Variants in QSOX2 observed in about 807,000 individuals in gnomAD.
QSOX2 encodes the protein quiescin sulfhydryl oxidase 2.
In QSOX2, 46 loss-of-function variants were observed where a neutral mutation model predicts 61.7. That is an observed-to-expected ratio of 0.75 (90% CI 0.59 to 0.95). The LOEUF (loss-of-function observed/expected upper bound fraction) is 0.95, where lower values mean the gene tolerates loss of function less well. QSOX2 is among the 40% of genes least tolerant of loss of function. The probability of loss-of-function intolerance (pLI) is 0.00; values close to 1 mark genes in which losing one functional copy is unlikely to be tolerated. For synonymous variants in QSOX2, 383 were observed against 388.4 expected (o/e 0.99, Z 0.16); for missense variants, 879 against 918.9 (o/e 0.96, Z 0.56).
At chr9:136,225,539 C>T (rs1830272423) in intron 2 of QSOX2, among the ~76,000 whole-genome samples, 1 of 152,236 alleles carries the variant, frequency 6.6e-6, no homozygotes, top group South Asian at 2.1e-4. Context: ...GAAATGCAAA[C>T]GAAGCCGCCA....
At chr9:136,218,549 G>T in intron 8 of QSOX2, 130 bp downstream of exon 8, 1 of 1,137,756 alleles carries the variant, frequency 8.8e-7, no homozygotes, top group Non-Finnish European at 1.2e-6. Context: ...GCGTGGGCCT[G>T]GGCGACAAAG....
intron 1 of QSOX2, among the ~76,000 whole-genome samples, chr9:136,233,914 T>C (rs1830354344): frequency 6.6e-6 from 1 of 152,020 alleles, no homozygotes; most frequent in African/African-American, 2.4e-5. Context: ...CAGAAACCGT[T>C]TAGAGAAATA....
At chr9:136,232,360 G>A (rs1240434713) in intron 1 of QSOX2, among the ~76,000 whole-genome samples, 1 of 152,026 alleles carries the variant, frequency 6.6e-6, no homozygotes, top group African/African-American at 2.4e-5. Context: ...ACTTAAATAC[G>A]CACATTTTTT....
At position 136,223,949 on chromosome 9, in the gene QSOX2, CG is replaced by C. The variant is rs1310880122; in HGVS notation, c.584+57del. On this transcript the variant is annotated intron_variant, in intron 4 of 11. Coordinates refer to ENST00000358701, the MANE Select transcript of QSOX2 (RefSeq NM_181701.4). This position sits in a 1 kb window ranked among gnomAD's most constrained non-coding sequence, Gnocchi z 4.4. ...CACATCACTTAATAGAAACCTATTA[CG>C]TTTCTTGCACAGTTCAACACGAGTC... The C allele has an allele frequency of 1.2e-5, 19 of 1,557,606 alleles. No homozygotes were observed. In the African/African-American group the frequency reaches 2.4e-4, roughly 20 times the overall value.
chr9:136,235,021 C>T (rs1321014798), intron 1 of QSOX2, among the ~76,000 whole-genome samples: 1 of 152,198 alleles, frequency 6.6e-6, no homozygotes, highest in African/African-American at 2.4e-5. Context: ...TCAACTGGTT[C>T]CCCCGCCCAT....
intron 1 of QSOX2, among the ~76,000 whole-genome samples, chr9:136,233,445 C>T (rs1207836032): frequency 6.6e-6 from 1 of 152,224 alleles, no homozygotes; most frequent in Non-Finnish European, 1.5e-5. Context: ...ATTACACAGT[C>T]CTCTCAGGAC....
intron 1 of QSOX2, among the ~76,000 whole-genome samples, chr9:136,234,008 C>T (rs966337673): frequency 6.6e-6 from 1 of 152,210 alleles, no homozygotes; most frequent in African/African-American, 2.4e-5. Context: ...ACTGCCTCCA[C>T]CTCCTCTGCC....
chr9:136,245,451 G>C (rs782644950), intron 1 of QSOX2, 25 bp downstream of exon 1: 1 of 1,568,818 alleles, frequency 6.4e-7, no homozygotes, highest in Non-Finnish European at 8.6e-7. Flanking sequence ...GGGTCGGGGG[G>C]TCCCCGCGCG....
At position 136,208,640 on chromosome 9, in the gene QSOX2, C is replaced by A; in HGVS notation, c.*88G>T. The stretch of plus-strand genomic sequence containing the variant: ...AACCAGGCCCGCATGTTTATAAAAT[C>A]CCTGATCATAAATATTAAAGCTGCA... On this transcript the variant is annotated 3_prime_UTR_variant, in exon 12 of 12. Coordinates refer to ENST00000358701, the MANE Select transcript of QSOX2 (RefSeq NM_181701.4). 1.4e-6 allele frequency: 2 copies of A among 1,447,626 alleles called. No individual in the cohort carries two copies. Among genetic ancestry groups the A allele is most frequent in the Non-Finnish European group, 1.8e-6 (2 of 1,087,132 alleles). 89.7% of individuals were successfully genotyped at this position (1,447,626 alleles called of 1,614,324 possible). A position where few individuals can be genotyped will look rare whatever the true frequency, so the allele number is the denominator to read the frequency against.
chr9:136,208,563 A>T lies in QSOX2; in HGVS notation c.*165T>A. On this transcript the variant is annotated 3_prime_UTR_variant, in exon 12 of 12. Coordinates refer to ENST00000358701, the MANE Select transcript of QSOX2 (RefSeq NM_181701.4). ...TACCCCGTGTTCTTCCCTTGTTAGAAGAGCGTTTGTAAAACCAGGACTTTG... is the reference window on the plus strand; with the variant it reads ...TACCCCGTGTTCTTCCCTTGTTAGATGAGCGTTTGTAAAACCAGGACTTTG... The T allele has an allele frequency of 1.4e-6, 1 of 727,158 alleles. No individual in the cohort carries two copies. Among genetic ancestry groups the T allele is most frequent in the Non-Finnish European group, 2.1e-6 (1 of 468,200 alleles). 45.0% of individuals were successfully genotyped at this position (727,158 alleles called of 1,614,324 possible).
chr9:136,222,172 T>A lies in QSOX2; in HGVS notation c.676-231A>T, dbSNP rs887971174. ...CTTATTCGGCAATTTTACAAACTCA[T>A]CAAAGAAAACACTTATCCGCGAATT... On this transcript the variant is annotated intron_variant, in intron 5 of 11. Transcript: ENST00000358701. The surrounding 1 kb of genome is among the most constrained non-coding windows in gnomAD (Gnocchi z 6.9). Among the ~76,000 whole-genome samples the A allele has an allele frequency of 2.0e-5, 3 of 152,150 alleles. No individual in the cohort carries two copies. The South Asian group carries it at 6.2e-4, about 31-fold the overall frequency.
In QSOX2 at chr9:136,245,660, G is replaced by A. The variant is rs1255335574; in HGVS notation, c.144C>T (p.Gly48=). 2 of 1,233,380 alleles carry A rather than the reference G, an allele frequency of 1.6e-6. No individual in the cohort carries two copies. Among genetic ancestry groups the A allele is most frequent in the South Asian group, 3.4e-5 (1 of 29,580 alleles). The allele number at this position is 1,233,380 out of a possible 1,614,324, so 76.4% of individuals were successfully genotyped here. Reference sequence around the variant, plus strand: ...GGTACAGCCGCGCCGCACCGCCCGCGCCCGGCCCCACCGCCGCCGCCGCTA... The same window carrying A: ...GGTACAGCCGCGCCGCACCGCCCGCACCCGGCCCCACCGCCGCCGCCGCTA... ...VLLAAAAVGP[G]AGGAARLYRA... The change falls in exon 1 of 12, where the codon GGC becomes GGT. Residue 48 remains glycine (G), a synonymous_variant. Transcript: ENST00000358701.
At position 136,218,708 on chromosome 9, in the gene QSOX2, G is replaced by A. The variant is rs1408983125; in HGVS notation, c.1057C>T (p.Leu353Phe). ...KSLAGAELKT[L>F]KDFVTVLAKL... is the part of the protein sequence containing the mutation. ...GCCAAGACAGTCACAAAGTCCTTGA[G>A]CGTCTTCAGCTCTGCTCCGGCCAGG... Residue 353 changes from leucine to phenylalanine, a missense_variant, in exon 8 of 12, where the codon CTC (leucine) becomes TTC (phenylalanine). Coordinates refer to ENST00000358701, the MANE Select transcript of QSOX2 (RefSeq NM_181701.4). 2 of 1,613,734 alleles carry A rather than the reference G, an allele frequency of 1.2e-6. No homozygotes were observed. The highest frequency in any genetic ancestry group is 1.3e-5 in the African/African-American group (1 of 74,954).
Position 136,215,388 on chromosome 9 carries a change from TG to T in QSOX2, c.1210-85del, listed in dbSNP as rs920393651. The T allele has an allele frequency of 2.1e-3, 1,412 of 681,186 alleles. 5 individuals carry two copies. The highest frequency in any genetic ancestry group is 3.1e-3 in the East Asian group (42 of 13,510). The allele number at this position is 681,186 out of a possible 1,614,324, so 42.2% of individuals were successfully genotyped here. A position where few individuals can be genotyped will look rare whatever the true frequency, so the allele number is the denominator to read the frequency against. On this transcript the variant is annotated intron_variant, in intron 9 of 11. Coordinates refer to ENST00000358701, the MANE Select transcript of QSOX2 (RefSeq NM_181701.4). ...AACAGTCGACAGCTGCCTTCTTGAC[TG>T]GGGGGGGTGGATAATGGGGGTGTGG... is the stretch of plus-strand genomic sequence containing the variant.
chr9:136,210,364 G>A, intron 11 of QSOX2: 2 of 985,484 alleles, frequency 2.0e-6, no homozygotes, highest in Non-Finnish European at 2.4e-6. Context: ...TCTCATGACT[G>A]GGGTAGTGGG....
chr9:136,244,740 CTAAACAA>C (rs977053843), intron 1 of QSOX2, among the ~76,000 whole-genome samples: 4 of 152,210 alleles, frequency 2.6e-5, no homozygotes, highest in African/African-American at 7.2e-5. Context: ...GATGAAAGCA[CTAAACAA>C]TAAAGTGCGG....
At position 136,214,975 on chromosome 9, in the gene QSOX2, C is replaced by T. The variant is rs149682650; in HGVS notation, c.1360+179G>A. Among the ~76,000 whole-genome samples, 1,252 of 152,362 alleles carry T rather than the reference C, an allele frequency of 8.2e-3. 8 individuals are homozygous for T. The highest frequency in any genetic ancestry group is 0.014 in the South Asian group (66 of 4,834). ...TTCTGACAAGGGGAACTCGTGCCCC[C>T]GCAGCCACAGCCCTGGGTGAGCTGA... On this transcript the variant is annotated intron_variant, in intron 10 of 11. Transcript: ENST00000358701.
At position 136,221,264 on chromosome 9, in the gene QSOX2, TGA is replaced by T. The variant is rs917921189; in HGVS notation, c.821+530_821+531del. Among the ~76,000 whole-genome samples the T allele has an allele frequency of 2.7e-5, 4 of 150,494 alleles. No individual in the cohort carries two copies. The highest frequency in any genetic ancestry group is 5.9e-5 in the Non-Finnish European group (4 of 67,620). ...CGCAGGGGCGAAGGGCTTATCCTCA[TGA>T]GGGGCACACGGGCACCCCACGCAGA... On this transcript the variant is annotated intron_variant, in intron 6 of 11. Coordinates refer to ENST00000358701, the MANE Select transcript of QSOX2 (RefSeq NM_181701.4). The surrounding 1 kb of genome is among the most constrained non-coding windows in gnomAD (Gnocchi z 4.5).
rs781155091 is a variant in QSOX2 at position 136,215,194 on chromosome 9, A to G, written c.1320T>C (p.Thr440=). 6.8e-6 allele frequency: 11 copies of G among 1,613,994 alleles called. No individual in the cohort carries two copies. The highest frequency in any genetic ancestry group is 8.5e-6 in the Non-Finnish European group (10 of 1,180,030). ...CSLWKLFHTL[T]VEASTHPDAL... ...CATCTGGGTGGGTCGAGGCTTCAAC[A>G]GTCAAAGTGTGGAACAGTTTCCAGA... is the stretch of plus-strand genomic sequence containing the variant. Residue 440 remains threonine (T), a synonymous_variant, in exon 10 of 12, where the codon ACT becomes ACC. Transcript: ENST00000358701.
Sources: gnomAD v4.1 joint callset for allele counts (sites outside exome capture counted in the v4.1 genomes callset) on GRCh38, gnomAD v4.1.1 for gene constraint, Gnocchi (gnomAD v3.1) non-coding constraint, MANE v1.5 for transcripts, NCBI Gene and HGNC (gene_info 2026-07-23, HGNC 2026-07-21) for gene names.